The following PRPSAP2 variants were observed in gnomAD, a reference collection of about 807,000 sequenced individuals.
The protein encoded by PRPSAP2 is phosphoribosyl pyrophosphate synthetase associated protein 2.
Under a neutral mutation model 40.6 loss-of-function variants are expected in PRPSAP2, and 24 were observed. The ratio of observed to expected loss-of-function variants is 0.59; its 90% CI spans 0.43 to 0.83. PRPSAP2 has a LOEUF of 0.83. Ranked by LOEUF, PRPSAP2 falls within the 40% of genes least tolerant of loss-of-function variation. The pLI, the probability that PRPSAP2 is intolerant of heterozygous loss-of-function variation, is 0.00. For missense variants in PRPSAP2, 292 were observed against 465.6 expected, an observed-to-expected ratio of 0.63 and a Z score of 3.43; for synonymous variants, 149 against 164.7, an observed-to-expected ratio of 0.90 and a Z score of 0.73.
chr17:18,889,534 T>G (rs2039404085), intron 7 of PRPSAP2, among the ~76,000 whole-genome samples: 1 of 152,228 alleles, frequency 6.6e-6, no homozygotes, highest in Non-Finnish European at 1.5e-5. Context: ...AGGATTCTTG[T>G]TGACGAGATA....
intron 9 of PRPSAP2, among the ~76,000 whole-genome samples, chr17:18,923,315 C>CCAGGAAGGT (rs2041801494): frequency 2.1e-5 from 3 of 143,154 alleles, no homozygotes; most frequent in East Asian, 4.1e-4. Context: ...ACCATGTTAG[C>CCAGGAAGGT]CAGGAAGGTC....
chr17:18,911,308 G>A lies in PRPSAP2; in HGVS notation c.733+57G>A. On this transcript the variant is annotated intron_variant, in intron 9 of 11. Coordinates refer to ENST00000268835, the MANE Select transcript of PRPSAP2 (RefSeq NM_002767.4). This position sits in a 1 kb window ranked among gnomAD's most constrained non-coding sequence, Gnocchi z 4.5. Reference sequence around the variant, plus strand: ...CTCTGATTTTAAGGCTGACTACACTGTTGTCTGTGTGGTTTTTTTCCTCAT... The same window carrying A: ...CTCTGATTTTAAGGCTGACTACACTATTGTCTGTGTGGTTTTTTTCCTCAT... 6.9e-7 allele frequency: 1 copy of A among 1,444,490 alleles called. No individual in the cohort carries two copies. 89.5% of individuals were successfully genotyped at this position (1,444,490 alleles called of 1,614,324 possible). A position where few individuals can be genotyped will look rare whatever the true frequency, so the allele number is the denominator to read the frequency against.
chr17:18,908,606 T>A (rs183868256), intron 8 of PRPSAP2: 1 of 724,526 alleles, frequency 1.4e-6, no homozygotes, highest in Non-Finnish European at 2.6e-6. Flanking sequence ...AAGCCCAACA[T>A]GGGTAGTGAC....
chr17:18,905,395 T>C (rs1199467995), intron 8 of PRPSAP2, among the ~76,000 whole-genome samples: 2 of 152,132 alleles, frequency 1.3e-5, no homozygotes, highest in African/African-American at 4.8e-5. Context: ...ATTCTAGGAA[T>C]TGGCAAACCT....
rs2042219222 is a variant in PRPSAP2, at chr17:18,930,788, G to C, written c.*90G>C. ...GGATTTCACAGGAACCGTCATGCTT[G>C]TTCCTCCCTCTCCCCTGTAACCTCA... On this transcript the variant is annotated 3_prime_UTR_variant, in exon 12 of 12. Coordinates refer to ENST00000268835, the MANE Select transcript of PRPSAP2 (RefSeq NM_002767.4). 4.1e-6 allele frequency: 5 copies of C among 1,212,094 alleles called. No individual in the cohort carries two copies. Among genetic ancestry groups the C allele is most frequent in the Non-Finnish European group, 5.6e-6 (5 of 888,132 alleles). The allele number at this position is 1,212,094 out of a possible 1,614,324, so 75.1% of individuals were successfully genotyped here.
chr17:18,866,472 G>A (rs1179681146), intron 3 of PRPSAP2, among the ~76,000 whole-genome samples: 5 of 152,120 alleles, frequency 3.3e-5, no homozygotes, highest in Non-Finnish European at 7.4e-5. Flanking sequence ...GCTGAGGCAG[G>A]AGAATCGCTT....
In PRPSAP2 at chr17:18,871,849, G is replaced by A. The variant is rs150091409; in HGVS notation, c.173-734G>A. ...CTAATTTTGTATTTTTAGTAGAGACGGGGTTTCTCTATGTTGGTCAGGCTG... is the reference window on the plus strand; with the variant it reads ...CTAATTTTGTATTTTTAGTAGAGACAGGGTTTCTCTATGTTGGTCAGGCTG... On this transcript the variant is annotated intron_variant, in intron 4 of 11. Transcript: ENST00000268835. 3.1e-3 allele frequency among the ~76,000 whole-genome samples: 470 copies of A among 151,220 alleles called. 6 individuals are homozygous for A. The highest frequency in any genetic ancestry group is 0.011 in the African/African-American group (452 of 41,316).
chr17:18,924,535 A>G (rs1053555670), intron 10 of PRPSAP2, among the ~76,000 whole-genome samples: 6 of 152,094 alleles, frequency 3.9e-5, no homozygotes, highest in Admixed American at 3.3e-4. Context: ...TTGGGACGCC[A>G]AGGCAGGCCA....
At chr17:18,867,709 G>A (rs958719084) in intron 4 of PRPSAP2, among the ~76,000 whole-genome samples, 1 of 152,158 alleles carries the variant, frequency 6.6e-6, no homozygotes, top group Admixed American at 6.5e-5. Flanking sequence ...CTGTGTGACC[G>A]CAGTTTTAGT....
chr17:18,885,455 A>G (rs2039071645), intron 7 of PRPSAP2, among the ~76,000 whole-genome samples: 1 of 150,808 alleles, frequency 6.6e-6, no homozygotes, highest in African/African-American at 2.4e-5. Flanking sequence ...TCAGTGTTAA[A>G]AAGGAATTTT....
intron 1 of PRPSAP2, among the ~76,000 whole-genome samples, chr17:18,864,201 C>G (rs567662564): frequency 6.6e-6 from 1 of 151,700 alleles, no homozygotes; most frequent in African/African-American, 2.4e-5. Flanking sequence ...TAGAAAAAGT[C>G]TTATGTTGTC....
intron 9 of PRPSAP2, chr17:18,917,599 T>TA (rs2041436736): frequency 1.7e-5 from 2 of 116,038 alleles, no homozygotes; most frequent in Non-Finnish European, 1.8e-5. Flanking sequence ...TTTTTTTTTT[T>TA]TTTTTTTTTT....
rs1330039291 is a variant in PRPSAP2, at chr17:18,911,296, G to A, written c.733+45G>A. 1.3e-6 allele frequency: 2 copies of A among 1,558,302 alleles called. No individual in the cohort carries two copies. Among genetic ancestry groups the A allele is most frequent in the Admixed American group, 1.8e-5 (1 of 54,906 alleles). ...TTTCCCACTTTCCTCTGATTTTAAG[G>A]CTGACTACACTGTTGTCTGTGTGGT... On this transcript the variant is annotated intron_variant, in intron 9 of 11. Coordinates refer to ENST00000268835, the MANE Select transcript of PRPSAP2 (RefSeq NM_002767.4). This position sits in a 1 kb window ranked among gnomAD's most constrained non-coding sequence, Gnocchi z 4.5.
chr17:18,908,178 A>G lies in PRPSAP2; in HGVS notation c.585-2925A>G, dbSNP rs1475204729. On this transcript the variant is annotated intron_variant, in intron 8 of 11. Transcript: ENST00000268835. Reference sequence around the variant, plus strand: ...CATCTCAACAACAAAAAAAAGCCAGATGCGGTGGGAAGAAGCTCCTGCAAG... The same window carrying G: ...CATCTCAACAACAAAAAAAAGCCAGGTGCGGTGGGAAGAAGCTCCTGCAAG... 3.1e-5 allele frequency: 19 copies of G among 618,852 alleles called. No homozygotes were observed. The Admixed American group carries it at 5.5e-4, about 18-fold the overall frequency. 38.3% of individuals were successfully genotyped at this position (618,852 alleles called of 1,614,324 possible). A position where few individuals can be genotyped will look rare whatever the true frequency, so the allele number is the denominator to read the frequency against.
intron 9 of PRPSAP2, among the ~76,000 whole-genome samples, chr17:18,914,816 C>T (rs1380514359): frequency 6.6e-6 from 1 of 151,754 alleles, no homozygotes; most frequent in Non-Finnish European, 1.5e-5. Flanking sequence ...CCTCCAGCTC[C>T]CGGGTTCAAG....
intron 10 of PRPSAP2, among the ~76,000 whole-genome samples, chr17:18,925,802 C>G (rs938993857): frequency 6.6e-6 from 1 of 152,118 alleles, no homozygotes; most frequent in Admixed American, 6.6e-5. Flanking sequence ...TTTGTACGCA[C>G]CCTTTTCAGG....
chr17:18,872,272 CAAAA>C lies in PRPSAP2; in HGVS notation c.173-296_173-293del, dbSNP rs368082910. Among the ~76,000 whole-genome samples, 6 of 77,428 alleles carry C rather than the reference CAAAA, an allele frequency of 7.7e-5. No homozygotes were observed. The East Asian group carries it at 1.8e-3, about 23-fold the overall frequency. The allele number at this position is 77,428 out of a possible 152,430, so 50.8% of individuals were successfully genotyped here. ...TGGGCGACAGAGCAAGACTCCGTCT[CAAAA>C]AAAAAAAAAAAAAAGTTACCATGCT... On this transcript the variant is annotated intron_variant, in intron 4 of 11. Coordinates refer to ENST00000268835, the MANE Select transcript of PRPSAP2 (RefSeq NM_002767.4).
intron 8 of PRPSAP2, among the ~76,000 whole-genome samples, chr17:18,895,081 CTT>C (rs35066217): frequency 0.07 from 9,136 of 131,082 alleles, 425 homozygotes; most frequent in Middle Eastern, 0.12. Flanking sequence ...TAGATGTGTA[CTT>C]TTTTTTTTTT....
intron 10 of PRPSAP2, among the ~76,000 whole-genome samples, chr17:18,924,951 C>T (rs1597772632): frequency 6.6e-6 from 1 of 152,060 alleles, no homozygotes. Flanking sequence ...GAAACCCCAT[C>T]TCTACTGAAA....
Sources: allele counts gnomAD v4.1 joint callset (sites outside exome capture counted in the v4.1 genomes callset), GRCh38; gene constraint gnomAD v4.1.1; non-coding constraint Gnocchi (gnomAD v3.1); transcripts MANE v1.5; gene names NCBI Gene and HGNC (gene_info 2026-07-23, HGNC 2026-07-21).